HAUS2: variants seen among roughly 807,000 people sequenced by gnomAD.
The protein encoded by HAUS2 is HAUS augmin-like complex subunit 2.
In HAUS2, 20 loss-of-function variants were observed where a neutral mutation model predicts 21.6. The observed-to-expected ratio is 0.93, with a 90% CI of 0.65 to 1.35. The LOEUF (loss-of-function observed/expected upper bound fraction) is 1.35, where lower values mean the gene tolerates loss of function less well. Among genes scored for constraint, HAUS2 ranks in the 40% most tolerant of loss-of-function variants. The pLI is 0.00. For synonymous variants in HAUS2, 113 were observed against 95.6 expected (o/e 1.18, Z -1.06); for missense variants, 297 against 280.7 (o/e 1.06, Z -0.42).
chr15:42,565,817 T>C (rs1463972448), intron 5 of HAUS2, among the ~76,000 whole-genome samples: 1 of 152,128 alleles, frequency 6.6e-6, no homozygotes, highest in Non-Finnish European at 1.5e-5. Flanking sequence ...TTTTAGAACT[T>C]GGCTATGAAT....
At position 42,559,321 on chromosome 15, in the gene HAUS2, C is replaced by T. The variant is rs1181185275; in HGVS notation, c.187-18C>T. On this transcript the variant is annotated intron_variant, in intron 2 of 5. Coordinates refer to ENST00000260372, the MANE Select transcript of HAUS2 (RefSeq NM_018097.3). ...CACTTTCTGATTGAGCTAAATGTTA[C>T]TTTTGTTCCTCATGTAGAAAAACCT... is the stretch of plus-strand genomic sequence containing the variant. 6.7e-7 allele frequency: 1 copy of T among 1,497,788 alleles called. No individual in the cohort carries two copies. Among genetic ancestry groups the T allele is most frequent in the East Asian group, 2.3e-5 (1 of 44,264 alleles). 92.8% of individuals were successfully genotyped at this position (1,497,788 alleles called of 1,614,324 possible).
intron 1 of HAUS2, among the ~76,000 whole-genome samples, chr15:42,557,906 A>T (rs1213753489): frequency 6.6e-6 from 1 of 152,162 alleles, no homozygotes; most frequent in East Asian, 1.9e-4. Context: ...GAATCCTTTG[A>T]TAAACTATCA....
chr15:42,550,167 A>C (rs2057707754), intron 1 of HAUS2, among the ~76,000 whole-genome samples: 1 of 151,902 alleles, frequency 6.6e-6, no homozygotes, highest in Non-Finnish European at 1.5e-5. Context: ...CGCGGACCAC[A>C]TGGGTCCTGG....
intron 1 of HAUS2, among the ~76,000 whole-genome samples, chr15:42,553,458 C>T (rs2057744287): frequency 6.7e-6 from 1 of 149,764 alleles, no homozygotes; most frequent in Non-Finnish European, 1.5e-5. Context: ...TTCTGTATTC[C>T]CCAATCCCTG....
chr15:42,559,410 T>C lies in HAUS2; in HGVS notation c.256+2T>C. ...ATGTTGTTCATCCTTTCTTTTTGGG[T>C]AAGTGGTTTGGTTAAGTGGATAATC... On this transcript the variant is annotated splice_donor_variant, in intron 3 of 5. Transcript: ENST00000260372. LOFTEE classifies it high-confidence loss of function. 6.3e-7 allele frequency: 1 copy of C among 1,581,102 alleles called. No individual in the cohort carries two copies.
chr15:42,565,822 A>G (rs1306191260), intron 5 of HAUS2, among the ~76,000 whole-genome samples: 4 of 152,198 alleles, frequency 2.6e-5, no homozygotes, highest in African/African-American at 9.6e-5. Context: ...GAACTTGGCT[A>G]TGAATTGGAC....
intron 5 of HAUS2, among the ~76,000 whole-genome samples, chr15:42,565,985 G>A (rs1227404231): frequency 1.3e-5 from 2 of 152,020 alleles, no homozygotes; most frequent in African/African-American, 2.4e-5. Context: ...GGTGGATCAC[G>A]AGGTGAGGAG....
chr15:42,549,123 T>C (rs2057690351), intron 1 of HAUS2, among the ~76,000 whole-genome samples, 158 bp downstream of exon 1: 1 of 152,232 alleles, frequency 6.6e-6, no homozygotes, highest in Admixed American at 6.5e-5. Context: ...GCGAACGTTC[T>C]GCCGTGGATG....
rs2057916365 is a variant in HAUS2, at chr15:42,567,331, G to A, written c.*515G>A. 6.4e-6 allele frequency: 1 copy of A among 155,636 alleles called. No individual in the cohort carries two copies. Among genetic ancestry groups the A allele is most frequent in the African/African-American group, 2.4e-5 (1 of 41,426 alleles). 9.6% of individuals were successfully genotyped at this position (155,636 alleles called of 1,614,324 possible). A position where few individuals can be genotyped will look rare whatever the true frequency, so the allele number is the denominator to read the frequency against. On this transcript the variant is annotated 3_prime_UTR_variant, in exon 6 of 6. Transcript: ENST00000260372. ...TAAGAGGATCACCTAAGCCTGTGAG[G>A]TCATGGTTGCAATGAGTCATGATCA...
intron 4 of HAUS2, among the ~76,000 whole-genome samples, chr15:42,562,361 C>T (rs762650448): frequency 2.6e-5 from 4 of 152,146 alleles, no homozygotes; most frequent in Non-Finnish European, 5.9e-5. Context: ...TTTGGGAGGC[C>T]GAGGTGGCTG....
chr15:42,554,267 A>G (rs1306126911), intron 1 of HAUS2, among the ~76,000 whole-genome samples: 3 of 151,942 alleles, frequency 2.0e-5, no homozygotes, highest in Non-Finnish European at 4.4e-5. Context: ...TATGTTAGCT[A>G]GTTACCAGGG....
At chr15:42,563,727 G>T in intron 4 of HAUS2, 22 bp from the exon 5 acceptor site, 1 of 1,181,320 alleles carries the variant, frequency 8.5e-7, no homozygotes, top group South Asian at 1.2e-5. Context: ...AAAAATGGTT[G>T]ACTTTTTTCT....
chr15:42,563,913 C>A (rs2057878933), intron 5 of HAUS2, 56 bp downstream of exon 5: 5 of 824,418 alleles, frequency 6.1e-6, no homozygotes, highest in Non-Finnish European at 8.2e-6. Context: ...TAGAGGTGTG[C>A]TCTCCCAGTT....
At chr15:42,552,988 T>A (rs2057739986) in intron 1 of HAUS2, among the ~76,000 whole-genome samples, 1 of 149,722 alleles carries the variant, frequency 6.7e-6, no homozygotes, top group Non-Finnish European at 1.5e-5. Context: ...TACCAGGATT[T>A]TTTTTTTTTT....
chr15:42,564,812 G>A (rs536888840), intron 5 of HAUS2, among the ~76,000 whole-genome samples: 1 of 152,308 alleles, frequency 6.6e-6, no homozygotes, highest in East Asian at 1.9e-4. Flanking sequence ...TTATTTAGGT[G>A]TTAGCAGTAA....
intron 4 of HAUS2, among the ~76,000 whole-genome samples, chr15:42,563,378 C>T (rs1419876384): frequency 1.4e-5 from 2 of 146,868 alleles, no homozygotes; most frequent in Non-Finnish European, 3.0e-5. Flanking sequence ...CACCACTGTG[C>T]TCCAGCCTGG....
At chr15:42,549,611 TA>T (rs953999983) in intron 1 of HAUS2, among the ~76,000 whole-genome samples, 1 of 151,312 alleles carries the variant, frequency 6.6e-6, no homozygotes, top group Non-Finnish European at 1.5e-5. Context: ...CACACCCAGC[TA>T]ATTTTTTTTT....
In HAUS2 at chr15:42,556,966, T is replaced by A. The variant is rs528082380; in HGVS notation, c.94-1232T>A. Among the ~76,000 whole-genome samples, 132 of 151,522 alleles carry A rather than the reference T, an allele frequency of 8.7e-4. 1 individual carries two copies. Among genetic ancestry groups the A allele is most frequent in the African/African-American group, 3.1e-3 (128 of 41,290 alleles). On this transcript the variant is annotated intron_variant, in intron 1 of 5. Transcript: ENST00000260372. ...AGCTAAGGCAGGAGAATCAGTTGAA[T>A]GCAAGAGGCAGAGGTTGCAGTGAGC...
intron 1 of HAUS2, among the ~76,000 whole-genome samples, chr15:42,554,287 T>C (rs1030510277): frequency 2.7e-5 from 4 of 147,724 alleles, no homozygotes; most frequent in Non-Finnish European, 4.5e-5. Flanking sequence ...GTTTTCCTTC[T>C]TTTTTTTTTA....
Sources: allele counts gnomAD v4.1 joint callset (sites outside exome capture counted in the v4.1 genomes callset), GRCh38; gene constraint gnomAD v4.1.1; transcripts MANE v1.5; gene names NCBI Gene and HGNC (gene_info 2026-07-23, HGNC 2026-07-21).